The following CTNND2 variants were observed in gnomAD, a reference collection of about 807,000 sequenced individuals.
CTNND2 encodes the protein catenin delta 2, also known as catenin delta-2.
A neutral mutation model predicts 144.4 loss-of-function variants in CTNND2; 22 were observed. The ratio of observed to expected loss-of-function variants is 0.15; its 90% CI spans 0.11 to 0.22. CTNND2 has a LOEUF of 0.22. Among genes scored for constraint, CTNND2 ranks in the 10% least tolerant of loss-of-function variants. The probability of loss-of-function intolerance (pLI) is 1.00; values close to 1 mark genes in which losing one functional copy is unlikely to be tolerated. For synonymous variants in CTNND2, 751 were observed against 695.6 expected, an observed-to-expected ratio of 1.08 and a Z score of -1.25; for missense variants, 1,353 against 1,618.8, an observed-to-expected ratio of 0.84 and a Z score of 2.82.
Position 11,098,451 on chromosome 5 carries a change from T to G in CTNND2, c.2637+124A>C, listed in dbSNP as rs924147988. 4 of 836,000 alleles carry G rather than the reference T, an allele frequency of 4.8e-6. No individual in the cohort carries two copies. The East Asian group carries it at 1.1e-4, about 22-fold the overall frequency. The allele number at this position is 836,000 out of a possible 1,614,324, so 51.8% of individuals were successfully genotyped here. ...CCAAGTAAAACAGTTCAATATAATTTTTTTTTCTCTAACATCCTAGAAATC... is the reference window on the plus strand; with the variant it reads ...CCAAGTAAAACAGTTCAATATAATTGTTTTTTCTCTAACATCCTAGAAATC... On this transcript the variant is annotated intron_variant, in intron 15 of 21. Transcript: ENST00000304623.
chr5:11,672,999 C>T (rs970850503), intron 2 of CTNND2, among the ~76,000 whole-genome samples: 2 of 152,144 alleles, frequency 1.3e-5, no homozygotes, highest in Non-Finnish European at 1.5e-5. Flanking sequence ...AAATCACCCA[C>T]CTTTTGCATC....
At position 10,980,429 on chromosome 5, in the gene CTNND2, C is replaced by T. The variant is rs543606927; in HGVS notation, c.3417+1344G>A. 2.6e-4 allele frequency among the ~76,000 whole-genome samples: 39 copies of T among 152,270 alleles called. No individual in the cohort carries two copies. The South Asian group carries it at 2.7e-3, about 11-fold the overall frequency. On this transcript the variant is annotated intron_variant, in intron 21 of 21. Transcript: ENST00000304623. ...TGGAGAGGATGTGGAGAAATAGGAACGCTTTTACACTGTTGGTGGGAGTGT... is the reference window on the plus strand; with the variant it reads ...TGGAGAGGATGTGGAGAAATAGGAATGCTTTTACACTGTTGGTGGGAGTGT...
chr5:11,257,305 G>A lies in CTNND2; in HGVS notation c.1629-20482C>T, dbSNP rs555704109. Among the ~76,000 whole-genome samples, 7 of 152,318 alleles carry A rather than the reference G, an allele frequency of 4.6e-5. No individual in the cohort carries two copies. The South Asian group carries it at 8.3e-4, about 18-fold the overall frequency. On this transcript the variant is annotated intron_variant, in intron 9 of 21. Transcript: ENST00000304623. The stretch of plus-strand genomic sequence containing the variant: ...TGAATGATTAGCCATTGGCACATGT[G>A]ATAAGACTGCAGGAGTCATGGGAAT...
At chr5:11,508,570 A>C (rs1345050658) in intron 3 of CTNND2, 2 of 152,206 alleles carry the variant, frequency 1.3e-5, no homozygotes, top group Non-Finnish European at 2.9e-5. Context: ...ATTCATGTGA[A>C]GATAAAAAAA....
chr5:11,019,632 A>T (rs377018293), intron 17 of CTNND2, among the ~76,000 whole-genome samples: 7 of 152,328 alleles, frequency 4.6e-5, no homozygotes, highest in African/African-American at 1.7e-4. Context: ...TTTAATTTTG[A>T]TGCATTCACT....
chr5:11,614,402 A>G (rs2126396985), intron 2 of CTNND2, among the ~76,000 whole-genome samples: 1 of 152,346 alleles, frequency 6.6e-6, no homozygotes, highest in Admixed American at 6.5e-5. Flanking sequence ...TACCAAGATT[A>G]AAAACTCCAA....
chr5:11,123,926 A>C (rs1002339201), intron 12 of CTNND2, among the ~76,000 whole-genome samples: 9 of 152,202 alleles, frequency 5.9e-5, no homozygotes, highest in Non-Finnish European at 8.8e-5. Context: ...CATGGCCCCC[A>C]CACACACCAG....
At chr5:11,616,506 C>G (rs1483113225) in intron 2 of CTNND2, among the ~76,000 whole-genome samples, 1 of 152,004 alleles carries the variant, frequency 6.6e-6, no homozygotes, top group South Asian at 2.1e-4. Context: ...TAATTTCTAC[C>G]TGTTTTTCCT....
intron 14 of CTNND2, 53 bp from the exon 15 acceptor site, chr5:11,098,801 A>C (rs1351919101): frequency 2.2e-5 from 34 of 1,568,922 alleles, no homozygotes; most frequent in Non-Finnish European, 2.9e-5. Flanking sequence ...TATGCTTCCC[A>C]ACTTTGCCTT....
chr5:11,304,029 G>A (rs1004588898), intron 9 of CTNND2, among the ~76,000 whole-genome samples: 1 of 152,070 alleles, frequency 6.6e-6, no homozygotes, highest in Non-Finnish European at 1.5e-5. Context: ...TGTAAGAGGT[G>A]GCTTTCACCT....
At chr5:11,303,204 A>G (rs1395190360) in intron 9 of CTNND2, among the ~76,000 whole-genome samples, 2 of 152,212 alleles carry the variant, frequency 1.3e-5, no homozygotes, top group Admixed American at 1.3e-4. Flanking sequence ...ACTGAATTCT[A>G]GCTTGGTGTT....
chr5:11,898,672 T>A (rs56100352), intron 1 of CTNND2, among the ~76,000 whole-genome samples: 1 of 152,072 alleles, frequency 6.6e-6, no homozygotes, highest in Non-Finnish European at 1.5e-5. Flanking sequence ...CAAATATAAT[T>A]GGCTCACCTG....
Position 11,707,035 on chromosome 5 carries a change from G to A in CTNND2, c.174+25101C>T, listed in dbSNP as rs185677861. On this transcript the variant is annotated intron_variant, in intron 2 of 21. Coordinates refer to ENST00000304623, the MANE Select transcript of CTNND2 (RefSeq NM_001332.4). Reference sequence around the variant, plus strand: ...CAGGAGGCGGAGCTTGCAGTGAGCCGAGATCACGCCACTGCACTCCAGCCT... The same window carrying A: ...CAGGAGGCGGAGCTTGCAGTGAGCCAAGATCACGCCACTGCACTCCAGCCT... Among the ~76,000 whole-genome samples, 861 of 150,496 alleles carry A rather than the reference G, an allele frequency of 5.7e-3. 11 individuals are homozygous for A. Among genetic ancestry groups the A allele is most frequent in the African/African-American group, 0.019 (787 of 41,000 alleles).
intron 3 of CTNND2, among the ~76,000 whole-genome samples, chr5:11,560,674 A>C (rs1232730322): frequency 6.6e-6 from 1 of 152,204 alleles, no homozygotes; most frequent in Non-Finnish European, 1.5e-5. Flanking sequence ...AGAACAGAGA[A>C]ACAGTCCAGT....
At chr5:11,097,235 G>A (rs1192192629) in intron 15 of CTNND2, among the ~76,000 whole-genome samples, 3 of 152,182 alleles carry the variant, frequency 2.0e-5, no homozygotes, top group African/African-American at 7.2e-5. Flanking sequence ...GACATAAGAT[G>A]TAAGTCCTCA....
At chr5:11,076,260 G>A (rs61750294) in intron 16 of CTNND2, among the ~76,000 whole-genome samples, 1 of 152,286 alleles carries the variant, frequency 6.6e-6, no homozygotes, top group East Asian at 1.9e-4. Context: ...CTGCAAGGTG[G>A]GCTTTGAATG....
intron 3 of CTNND2, among the ~76,000 whole-genome samples, chr5:11,450,991 A>T (rs1188078390): frequency 6.6e-6 from 1 of 151,316 alleles, no homozygotes; most frequent in Non-Finnish European, 1.5e-5. Context: ...ATGTTCAATC[A>T]TTTATCAATT....
At chr5:11,496,447 G>A (rs796428906) in intron 3 of CTNND2, among the ~76,000 whole-genome samples, 1 of 152,186 alleles carries the variant, frequency 6.6e-6, no homozygotes, top group South Asian at 2.1e-4. Flanking sequence ...TCCAATTAGA[G>A]CTGCTCTTTA....
intron 10 of CTNND2, among the ~76,000 whole-genome samples, chr5:11,205,363 CGG>C (rs1554000452): frequency 3.3e-5 from 5 of 152,032 alleles, no homozygotes; most frequent in Non-Finnish European, 2.9e-5. Context: ...TAAGGGAATG[CGG>C]TGATTTTTTT....
Sources: gnomAD v4.1 joint callset for allele counts (sites outside exome capture counted in the v4.1 genomes callset) on GRCh38, gnomAD v4.1.1 for gene constraint, MANE v1.5 for transcripts, NCBI Gene and HGNC (gene_info 2026-07-23, HGNC 2026-07-21) for gene names.